The following GPHN variants were observed in gnomAD, a reference collection of about 807,000 sequenced individuals.
GPHN encodes gephyrin.
In GPHN, 17 loss-of-function variants were observed where a neutral mutation model predicts 95.5. The ratio of observed to expected loss-of-function variants is 0.18; its 90% CI spans 0.12 to 0.27. GPHN has a LOEUF of 0.27. Among genes scored for constraint, GPHN ranks in the 10% least tolerant of loss-of-function variants. The probability of loss-of-function intolerance (pLI) is 1.00; values close to 1 mark genes in which losing one functional copy is unlikely to be tolerated. For synonymous variants in GPHN, 320 were observed against 322.5 expected (o/e 0.99, Z 0.08); for missense variants, 660 against 978.1 (o/e 0.67, Z 4.34).
At chr14:67,582,984 G>A in the GPHN span, among the ~76,000 whole-genome samples, 1 of 152,138 alleles carries the variant, frequency 6.6e-6, no homozygotes, top group Non-Finnish European at 1.5e-5. The surrounding 1 kb of genome is among the most constrained non-coding windows in gnomAD (Gnocchi z 5.0). Flanking sequence ...TTAGGAAGAG[G>A]AACACACATT....
intron 2 of GPHN, among the ~76,000 whole-genome samples, chr14:66,703,370 A>C (rs974317591): frequency 6.6e-6 from 1 of 152,208 alleles, no homozygotes; most frequent in Non-Finnish European, 1.5e-5. Context: ...AAAATGAAGG[A>C]AAAAGTATTA....
the GPHN span, among the ~76,000 whole-genome samples, chr14:67,309,992 G>GTT: frequency 2.8e-4 from 39 of 141,086 alleles, no homozygotes; most frequent in Middle Eastern, 3.7e-3. Flanking sequence ...GATTCTCAAG[G>GTT]TTTTTTTTTT....
chr14:66,944,794 C>G (rs1388464340), intron 8 of GPHN, among the ~76,000 whole-genome samples: 2 of 152,222 alleles, frequency 1.3e-5, no homozygotes, highest in African/African-American at 4.8e-5. Flanking sequence ...GAGTGAAACC[C>G]CTTTCCCTGG....
chr14:66,834,108 C>T (rs974923356), intron 4 of GPHN, among the ~76,000 whole-genome samples: 2 of 152,110 alleles, frequency 1.3e-5, no homozygotes, highest in Non-Finnish European at 2.9e-5. Context: ...AATTTCTACC[C>T]ACTTGTCCTA....
chr14:67,647,096 C>A, the GPHN span: 1 of 988,398 alleles, frequency 1.0e-6, no homozygotes, highest in Non-Finnish European at 1.6e-6. Context: ...TTCTTGAGGA[C>A]AGCAGCTTTA....
intron 3 of GPHN, among the ~76,000 whole-genome samples, chr14:66,814,046 C>T (rs536952913): frequency 4.3e-4 from 66 of 152,312 alleles, no homozygotes; most frequent in African/African-American, 1.6e-3. Context: ...CATGTCTACA[C>T]AGGTGGCTTT....
At chr14:66,735,335 A>G (rs2072164430) in intron 2 of GPHN, among the ~76,000 whole-genome samples, 1 of 152,196 alleles carries the variant, frequency 6.6e-6, no homozygotes, top group Admixed American at 6.5e-5. Flanking sequence ...TTGCACAGTT[A>G]ACTGTGAGAA....
At chr14:66,765,686 A>C (rs1239187705) in intron 2 of GPHN, among the ~76,000 whole-genome samples, 1 of 152,144 alleles carries the variant, frequency 6.6e-6, no homozygotes, top group Non-Finnish European at 1.5e-5. Context: ...GGGTGACAAA[A>C]TAATCTGTAC....
intron 10 of GPHN, 151 bp from the exon 11 acceptor site, chr14:67,058,498 G>A: frequency 1.4e-6 from 1 of 710,642 alleles, no homozygotes; most frequent in Non-Finnish European, 2.5e-6. Context: ...CACCAGAGCA[G>A]GCTGTATTTT....
intron 1 of GPHN, among the ~76,000 whole-genome samples, chr14:66,633,270 A>G (rs983249193): frequency 2.6e-5 from 4 of 152,100 alleles, no homozygotes; most frequent in Admixed American, 6.5e-5. Flanking sequence ...TCAATTTCTT[A>G]TAAGAAAAAC....
chr14:66,891,731 C>G (rs1216432216), intron 5 of GPHN, among the ~76,000 whole-genome samples: 1 of 151,802 alleles, frequency 6.6e-6, no homozygotes, highest in Non-Finnish European at 1.5e-5. Flanking sequence ...AATCACATAT[C>G]TGGCAAGGTA....
At chr14:67,218,846 A>G in the GPHN span, among the ~76,000 whole-genome samples, 1 of 151,664 alleles carries the variant, frequency 6.6e-6, no homozygotes, top group South Asian at 2.1e-4. Flanking sequence ...CATGGATAAG[A>G]CTGTCGTACT....
At chr14:67,233,882 G>A in the GPHN span, among the ~76,000 whole-genome samples, 47 of 152,286 alleles carry the variant, frequency 3.1e-4, 2 homozygotes, top group African/African-American at 9.4e-4. Flanking sequence ...TGAAGATTCC[G>A]GCTGATAGTT....
the GPHN span, chr14:67,574,352 A>T: frequency 2.5e-6 from 4 of 1,597,074 alleles, no homozygotes; most frequent in Admixed American, 1.7e-5. This position sits in a 1 kb window ranked among gnomAD's most constrained non-coding sequence, Gnocchi z 4.2. Flanking sequence ...CCGGGCCTCC[A>T]GCTCTGCTTC....
chr14:66,870,336 C>T (rs963945062), intron 4 of GPHN, among the ~76,000 whole-genome samples: 3 of 152,132 alleles, frequency 2.0e-5, no homozygotes, highest in East Asian at 1.9e-4. Flanking sequence ...TGTTCTAAAA[C>T]ATATAAGGTT....
chr14:66,856,652 A>G (rs576801435), intron 4 of GPHN, among the ~76,000 whole-genome samples: 4 of 152,248 alleles, frequency 2.6e-5, no homozygotes, highest in Admixed American at 2.6e-4. Flanking sequence ...CCAAAGTGGA[A>G]TAAAAATAAC....
At chr14:67,493,866 A>G in the GPHN span, among the ~76,000 whole-genome samples, 1 of 152,184 alleles carries the variant, frequency 6.6e-6, no homozygotes. Context: ...GCAGTGGCTC[A>G]CACATGTAAT....
At chr14:66,945,190 G>A (rs923856897) in intron 8 of GPHN, among the ~76,000 whole-genome samples, 15 of 152,104 alleles carry the variant, frequency 9.9e-5, no homozygotes, top group Non-Finnish European at 1.8e-4. Flanking sequence ...GAAAAAAAAA[G>A]GGAAACAGGA....
chr14:67,044,263 G>A (rs2153637827), intron 10 of GPHN, among the ~76,000 whole-genome samples: 1 of 152,222 alleles, frequency 6.6e-6, no homozygotes, highest in South Asian at 2.1e-4. Context: ...CTTGAACCCA[G>A]GAGGTGGAGG....
Sources: gnomAD v4.1 joint callset for allele counts (sites outside exome capture counted in the v4.1 genomes callset) on GRCh38, gnomAD v4.1.1 for gene constraint, Gnocchi (gnomAD v3.1) non-coding constraint, MANE v1.5 for transcripts, NCBI Gene and HGNC (gene_info 2026-07-23, HGNC 2026-07-21) for gene names.